The following JMJD1C variants were observed in gnomAD, a reference collection of about 807,000 sequenced individuals.
The protein encoded by JMJD1C is jumonji domain-containing protein 1C.
In JMJD1C, 31 loss-of-function variants were observed where a neutral mutation model predicts 245.3. The ratio of observed to expected loss-of-function variants is 0.13; its 90% CI spans 0.09 to 0.17. The LOEUF is 0.17. Ranked by LOEUF, JMJD1C falls within the 10% of genes least tolerant of loss-of-function variation. The pLI, the probability that JMJD1C is intolerant of heterozygous loss-of-function variation, is 1.00. For synonymous variants in JMJD1C, 1,057 were observed against 1,017.4 expected (o/e 1.04, Z -0.74); for missense variants, 2,691 against 3,000.2 (o/e 0.90, Z 2.41).
At chr10:63,255,321 G>T (rs1853728748) in intron 3 of JMJD1C, among the ~76,000 whole-genome samples, 1 of 152,030 alleles carries the variant, frequency 6.6e-6, no homozygotes, top group South Asian at 2.1e-4. Flanking sequence ...AATTTTAGTA[G>T]AAAACATAAA....
intron 1 of JMJD1C, among the ~76,000 whole-genome samples, chr10:63,394,758 C>T (rs1002027222): frequency 2.6e-5 from 4 of 151,572 alleles, no homozygotes; most frequent in African/African-American, 4.8e-5. Context: ...GCAGGAGAAT[C>T]GCTTGAACCT....
intron 1 of JMJD1C, among the ~76,000 whole-genome samples, chr10:63,422,344 G>A (rs1950174072): frequency 6.6e-6 from 1 of 152,038 alleles, no homozygotes; most frequent in Non-Finnish European, 1.5e-5. Flanking sequence ...CCCAGGAGGC[G>A]GGGTTGCAGT....
chr10:63,302,506 G>A (rs1436508478), intron 2 of JMJD1C, among the ~76,000 whole-genome samples: 1 of 152,164 alleles, frequency 6.6e-6, no homozygotes, highest in Non-Finnish European at 1.5e-5. Context: ...TCTTGCATGA[G>A]AACCATTTAT....
intron 1 of JMJD1C, among the ~76,000 whole-genome samples, chr10:63,423,478 C>T (rs1465506207): frequency 6.6e-6 from 1 of 152,298 alleles, no homozygotes; most frequent in South Asian, 2.1e-4. Flanking sequence ...TTGTATCATG[C>T]CTCAGAACTT....
chr10:63,308,836 A>G (rs750232556), intron 2 of JMJD1C, among the ~76,000 whole-genome samples: 3 of 151,920 alleles, frequency 2.0e-5, no homozygotes, highest in Admixed American at 6.6e-5. Context: ...GGGCTGAAGA[A>G]TAAGTTGCCA....
At chr10:63,512,802 C>T (rs553850942) in intron 1 of JMJD1C, among the ~76,000 whole-genome samples, 60 of 152,198 alleles carry the variant, frequency 3.9e-4, no homozygotes, top group African/African-American at 1.4e-3. Context: ...TTTTCTGCTG[C>T]TTTGGTATTT....
intron 1 of JMJD1C, among the ~76,000 whole-genome samples, chr10:63,472,655 A>C (rs1953529392): frequency 1.3e-5 from 2 of 152,136 alleles, no homozygotes. Context: ...TTATATTCAC[A>C]AGTTTTAAAA....
At chr10:63,334,951 T>A in intron 2 of JMJD1C, among the ~76,000 whole-genome samples, 1 of 139,094 alleles carries the variant, frequency 7.2e-6, no homozygotes, top group Admixed American at 7.7e-5. Context: ...CAGGTGATCC[T>A]CCCGCCTCTG....
intron 2 of JMJD1C, among the ~76,000 whole-genome samples, chr10:63,364,707 G>A (rs988342795): frequency 5.3e-5 from 8 of 151,984 alleles, no homozygotes; most frequent in South Asian, 2.1e-4. Context: ...GGCTGGTCTC[G>A]AACTCTTGGA....
At position 63,207,839 on chromosome 10, in the gene JMJD1C, C is replaced by T. The variant is rs1423734459; in HGVS notation, c.3830G>A (p.Arg1277Lys). The stretch of plus-strand genomic sequence containing the variant: ...CTCTTTGCTGAGGTTATTATTAGGT[C>T]TCCACATCTCCGTCAAACTCTGTTC... ...SSEQSLTEMW[R>K]PNNNLSKEKT... The change falls in exon 10 of 26, where the codon AGA becomes AAA. Residue 1277 changes from arginine to lysine, a missense_variant. Physicochemically the swap from Arg to Lys is conservative, Grantham distance 26 (BLOSUM62 2). Transcript: ENST00000399262. 2.5e-6 allele frequency: 4 copies of T among 1,614,146 alleles called. No individual in the cohort carries two copies. The highest frequency in any genetic ancestry group is 3.4e-6 in the Non-Finnish European group (4 of 1,180,028).
At position 63,495,677 on chromosome 10, in the gene JMJD1C, A is replaced by C. The variant is rs142008037; in HGVS notation, n.113+26061T>G. 3.2e-3 allele frequency among the ~76,000 whole-genome samples: 487 copies of C among 151,434 alleles called. 2 individuals carry two copies. The highest frequency in any genetic ancestry group is 0.011 in the African/African-American group (472 of 41,318). ...AATCCCAGCTACGTGGGAGGCTGAG[A>C]CAGGTGGGAGGCGGAGGTTGCAGTG... On this transcript the variant is annotated intron_variant and non_coding_transcript_variant, in intron 1 of 3. Coordinates refer to the JMJD1C transcript ENST00000633035.
intron 1 of JMJD1C, among the ~76,000 whole-genome samples, chr10:63,486,620 C>T (rs12781542): frequency 1.3e-5 from 2 of 152,082 alleles, no homozygotes; most frequent in Non-Finnish European, 2.9e-5. Flanking sequence ...AAACAACAAA[C>T]CCACCCACTC....
At chr10:63,275,334 A>G (rs888449925) in intron 2 of JMJD1C, among the ~76,000 whole-genome samples, 2 of 152,222 alleles carry the variant, frequency 1.3e-5, no homozygotes, top group Admixed American at 1.3e-4. Flanking sequence ...TGAACGCTGA[A>G]TGGAGAAAAA....
chr10:63,377,335 A>G (rs534787322), intron 2 of JMJD1C, among the ~76,000 whole-genome samples: 10 of 152,248 alleles, frequency 6.6e-5, no homozygotes, highest in Non-Finnish European at 1.5e-4. Context: ...GTGGTAACAC[A>G]CAACACGAAT....
At chr10:63,211,344 T>G (rs1169570880) in intron 8 of JMJD1C, among the ~76,000 whole-genome samples, 1 of 151,808 alleles carries the variant, frequency 6.6e-6, no homozygotes, top group Non-Finnish European at 1.5e-5. Flanking sequence ...TGCACACCTG[T>G]AGTCCTAGCT....
At chr10:63,186,149 T>A in intron 19 of JMJD1C, 66 bp downstream of exon 19, 1 of 1,238,966 alleles carries the variant, frequency 8.1e-7, no homozygotes. Context: ...TCTGTTAAGT[T>A]ACATTTGGAA....
intron 3 of JMJD1C, among the ~76,000 whole-genome samples, chr10:63,254,914 C>A (rs147861003): frequency 6.6e-6 from 1 of 151,580 alleles, no homozygotes; most frequent in Admixed American, 6.6e-5. Context: ...AGTGCAGTGG[C>A]GAGACCATGG....
intron 2 of JMJD1C, among the ~76,000 whole-genome samples, chr10:63,370,191 T>C (rs547377416): frequency 2.6e-5 from 4 of 152,228 alleles, no homozygotes; most frequent in Non-Finnish European, 5.9e-5. Context: ...ATACTTTCTC[T>C]GCAATAAACT....
chr10:63,402,160 A>G (rs1948904363), intron 1 of JMJD1C, among the ~76,000 whole-genome samples: 1 of 151,960 alleles, frequency 6.6e-6, no homozygotes. Context: ...AAACAAAAAA[A>G]GTGGGCAGGG....
Sources: gnomAD v4.1 joint callset for allele counts (sites outside exome capture counted in the v4.1 genomes callset) on GRCh38, gnomAD v4.1.1 for gene constraint, MANE v1.5 for transcripts, NCBI Gene and HGNC (gene_info 2026-07-23, HGNC 2026-07-21) for gene names.